Variants in NRG3 observed in about 807,000 individuals in gnomAD.
NRG3 encodes neuregulin 3.
A neutral mutation model predicts 66.9 loss-of-function variants in NRG3; 31 were observed. The ratio of observed to expected loss-of-function variants is 0.46; its 90% CI spans 0.35 to 0.63. The LOEUF (loss-of-function observed/expected upper bound fraction) is 0.63, where lower values mean the gene tolerates loss of function less well. NRG3 is among the 20% of genes least tolerant of loss of function. The probability of loss-of-function intolerance (pLI) is 0.00; values close to 1 mark genes in which losing one functional copy is unlikely to be tolerated. For missense variants in NRG3, 910 were observed against 878.9 expected, an observed-to-expected ratio of 1.04 and a Z score of -0.45; for synonymous variants, 393 against 359.4, an observed-to-expected ratio of 1.09 and a Z score of -1.06.
chr10:82,591,141 A>G (rs910276657), intron 2 of NRG3, among the ~76,000 whole-genome samples: 2 of 152,204 alleles, frequency 1.3e-5, no homozygotes, highest in East Asian at 1.9e-4. Context: ...TCTCCTGAGC[A>G]TACGGCCCGG....
chr10:82,031,742 T>C (rs1983681), intron 1 of NRG3, among the ~76,000 whole-genome samples: 35,375 of 151,976 alleles, frequency 0.23, 4,630 homozygotes, highest in African/African-American at 0.33. Flanking sequence ...TCTTTAAGCA[T>C]TGATCTTTAG....
At chr10:82,282,926 G>C (rs534612484) in intron 1 of NRG3, among the ~76,000 whole-genome samples, 3 of 152,040 alleles carry the variant, frequency 2.0e-5, no homozygotes, top group Non-Finnish European at 4.4e-5. Flanking sequence ...ACTGGGGTCC[G>C]ATCCTGGCCC....
chr10:82,225,952 G>A (rs1028081592), intron 1 of NRG3, among the ~76,000 whole-genome samples: 4 of 151,956 alleles, frequency 2.6e-5, no homozygotes, highest in Admixed American at 6.6e-5. Flanking sequence ...TTTCTTCTAC[G>A]TTATTAATTT....
intron 2 of NRG3, among the ~76,000 whole-genome samples, chr10:82,649,992 C>T (rs1285737426): frequency 6.6e-6 from 1 of 152,022 alleles, no homozygotes; most frequent in Non-Finnish European, 1.5e-5. Flanking sequence ...ACCCTGTAAG[C>T]TTCTCAAACA....
Position 82,049,321 on chromosome 10 carries a change from C to T in NRG3, c.823+173158C>T, listed in dbSNP as rs141026038. Among the ~76,000 whole-genome samples the T allele has an allele frequency of 4.3e-3, 648 of 152,156 alleles. 9 individuals carry two copies. Among genetic ancestry groups the T allele is most frequent in the African/African-American group, 0.015 (621 of 41,512 alleles). On this transcript the variant is annotated intron_variant, in intron 1 of 8. Coordinates refer to ENST00000372141, the MANE Select transcript of NRG3 (RefSeq NM_001010848.4). ...ATAAGAGGACCCTTCATCATTTTCA[C>T]CTTGTGTGTTTTAGATAGCTCAAGT...
intron 2 of NRG3, among the ~76,000 whole-genome samples, chr10:82,671,440 C>T (rs1216094701): frequency 1.3e-5 from 2 of 152,152 alleles, no homozygotes. Flanking sequence ...GAGCAGATTG[C>T]CTTGAAAGTC....
chr10:82,468,016 A>G (rs1468332463), intron 2 of NRG3, among the ~76,000 whole-genome samples: 2 of 152,212 alleles, frequency 1.3e-5, no homozygotes. Flanking sequence ...AGCACCTGCT[A>G]TATATGCCCC....
intron 2 of NRG3, among the ~76,000 whole-genome samples, chr10:82,425,784 T>A (rs11194278): frequency 0.23 from 34,329 of 152,104 alleles, 5,867 homozygotes; most frequent in African/African-American, 0.48. Context: ...TTATCTAATG[T>A]TGTGTTTGAG....
intron 2 of NRG3, among the ~76,000 whole-genome samples, chr10:82,415,163 G>A (rs1477413634): frequency 6.6e-6 from 1 of 152,142 alleles, no homozygotes; most frequent in Non-Finnish European, 1.5e-5. Context: ...GATACTGCTG[G>A]ATTATATGGG....
In NRG3 at chr10:82,951,452, G is replaced by GT; in HGVS notation, c.1055-12dup. 1 of 1,600,956 alleles carries GT rather than the reference G, an allele frequency of 6.2e-7. No homozygotes were observed. Among genetic ancestry groups the GT allele is most frequent in the Non-Finnish European group, 8.6e-7 (1 of 1,168,244 alleles). ...CCCCGCTAGCATCCATTCTAATTTT[G>GT]TTTTTCAAATTCACAGAGAGTGAAG... On this transcript the variant is annotated splice_polypyrimidine_tract_variant and intron_variant, in intron 4 of 8. Transcript: ENST00000372141.
At chr10:82,548,591 A>G (rs1590622368) in intron 2 of NRG3, among the ~76,000 whole-genome samples, 1 of 151,834 alleles carries the variant, frequency 6.6e-6, no homozygotes, top group East Asian at 1.9e-4. Flanking sequence ...TGGAAATTTA[A>G]GAACTTGTCC....
chr10:81,920,790 G>A (rs1208221925), intron 1 of NRG3, among the ~76,000 whole-genome samples: 1 of 151,956 alleles, frequency 6.6e-6, no homozygotes, highest in Non-Finnish European at 1.5e-5. Flanking sequence ...TTAATGTTTT[G>A]TGAACATTTT....
intron 6 of NRG3, among the ~76,000 whole-genome samples, chr10:82,966,358 G>T (rs976401488): frequency 6.6e-6 from 1 of 152,076 alleles, no homozygotes; most frequent in Non-Finnish European, 1.5e-5. Context: ...TACTGGTAAA[G>T]AATTTTGGAG....
chr10:82,102,504 A>AT lies in NRG3; in HGVS notation c.823+226349dup, dbSNP rs199704145. Among the ~76,000 whole-genome samples the AT allele has an allele frequency of 9.6e-3, 1,427 of 148,502 alleles. 24 individuals carry two copies. Among genetic ancestry groups the AT allele is most frequent in the African/African-American group, 0.033 (1,344 of 40,426 alleles). On this transcript the variant is annotated intron_variant, in intron 1 of 8. Coordinates refer to ENST00000372141, the MANE Select transcript of NRG3 (RefSeq NM_001010848.4). ...TAGGTTTAGCTTTTTTATTAGTTAGATTTTTTTTCCCTCCATTTTTGTTCC... is the reference window on the plus strand; with the variant it reads ...TAGGTTTAGCTTTTTTATTAGTTAGATTTTTTTTTCCCTCCATTTTTGTTCC...
At chr10:81,933,247 A>G (rs1847560725) in intron 1 of NRG3, among the ~76,000 whole-genome samples, 1 of 152,136 alleles carries the variant, frequency 6.6e-6, no homozygotes, top group Admixed American at 6.5e-5. Flanking sequence ...CTATATGACC[A>G]TGGCAGACTT....
chr10:82,162,461 A>T (rs759275457), intron 1 of NRG3, among the ~76,000 whole-genome samples: 53 of 152,112 alleles, frequency 3.5e-4, no homozygotes, highest in Non-Finnish European at 6.8e-4. Context: ...CAAATATATT[A>T]TTCTGTTTGC....
At chr10:82,685,318 C>A (rs1380186504) in intron 2 of NRG3, among the ~76,000 whole-genome samples, 1 of 152,136 alleles carries the variant, frequency 6.6e-6, no homozygotes, top group Non-Finnish European at 1.5e-5. Flanking sequence ...AAATGCACTG[C>A]AGTTGGAAGG....
At chr10:82,126,514 C>T (rs1431922150) in intron 1 of NRG3, among the ~76,000 whole-genome samples, 1 of 152,004 alleles carries the variant, frequency 6.6e-6, no homozygotes, top group Non-Finnish European at 1.5e-5. Context: ...GATGACAAGG[C>T]ACAGATAGTA....
intron 1 of NRG3, among the ~76,000 whole-genome samples, chr10:82,256,452 G>A (rs1345525072): frequency 6.6e-6 from 1 of 152,020 alleles, no homozygotes; most frequent in Admixed American, 6.6e-5. Context: ...CCCTCTTCAG[G>A]TGTCACGCTG....
Sources: allele counts gnomAD v4.1 joint callset (sites outside exome capture counted in the v4.1 genomes callset), GRCh38; gene constraint gnomAD v4.1.1; transcripts MANE v1.5; gene names NCBI Gene and HGNC (gene_info 2026-07-23, HGNC 2026-07-21).